The following PCDHGB5 variants were observed in gnomAD, a reference collection of about 807,000 sequenced individuals.
The protein encoded by PCDHGB5 is protocadherin gamma-B5.
PCDHGB5 carries 48 observed loss-of-function variants against 62.9 expected under a neutral mutation model. The ratio of observed to expected loss-of-function variants is 0.76; its 90% confidence interval spans 0.61 to 0.97. The LOEUF (loss-of-function observed/expected upper bound fraction) is 0.97, where lower values mean the gene tolerates loss of function less well. PCDHGB5 is among the 50% of genes least tolerant of loss of function. PCDHGB5 has a pLI of 0.00. For missense variants in PCDHGB5, 1,118 were observed against 1,198.6 expected, an observed-to-expected ratio of 0.93 and a Z score of 0.99; for synonymous variants, 474 against 511.2, an observed-to-expected ratio of 0.93 and a Z score of 0.98.
intron 1 of PCDHGB5, among the ~76,000 whole-genome samples, chr5:141,462,012 G>A (rs1046109009): frequency 9.9e-5 from 15 of 152,128 alleles, no homozygotes; most frequent in Admixed American, 5.9e-4. Context: ...TAATAGAGAC[G>A]GGGTTTCTTC....
intron 2 of PCDHGB5, among the ~76,000 whole-genome samples, chr5:141,498,825 C>A (rs2099786017): frequency 6.6e-6 from 1 of 151,974 alleles, no homozygotes; most frequent in Admixed American, 6.6e-5. Flanking sequence ...CCCAGCTACT[C>A]AGGAGGCTGA....
chr5:141,494,751 G>A, intron 1 of PCDHGB5, 56 bp from the exon 2 acceptor site: 2 of 1,613,426 alleles, frequency 1.2e-6, no homozygotes, highest in Non-Finnish European at 8.5e-7. Flanking sequence ...AGGGGCTCGG[G>A]TGACATTCTA....
At chr5:141,404,296 T>C in intron 1 of PCDHGB5, 1 of 1,613,946 alleles carries the variant, frequency 6.2e-7, no homozygotes, top group Non-Finnish European at 8.5e-7. Flanking sequence ...TCAATGATAA[T>C]CCACCTGCTT....
At chr5:141,454,313 G>A (rs986902404) in intron 1 of PCDHGB5, among the ~76,000 whole-genome samples, 1 of 152,296 alleles carries the variant, frequency 6.6e-6, no homozygotes, top group Non-Finnish European at 1.5e-5. Context: ...TCAAAGCATT[G>A]AAACCTCCAA....
At position 141,399,775 on chromosome 5, in the gene PCDHGB5, G is replaced by A; in HGVS notation, c.1648G>A (p.Asp550Asn). The change falls in exon 1 of 4, where the codon GAC becomes AAC. Residue 550 changes from aspartate (D) to asparagine (N), a missense_variant. Around this residue, in one of 2 missense-constraint regions of PCDHGB5, gnomAD observed 1,034 missense variants for 1,029.1 expected, o/e 1.00. Coordinates refer to ENST00000617380, the MANE Select transcript of PCDHGB5 (RefSeq NM_018925.3). ...ANVSLRVLVG[D>N]RNDNAPRVLY... Reference sequence around the variant, plus strand: ...CGTGAGCCTGCGCGTGTTGGTGGGCGACCGAAACGACAACGCACCGCGGGT... The same window carrying A: ...CGTGAGCCTGCGCGTGTTGGTGGGCAACCGAAACGACAACGCACCGCGGGT... 1.2e-6 allele frequency: 2 copies of A among 1,613,282 alleles called. No individual in the cohort carries two copies. Among genetic ancestry groups the A allele is most frequent in the Non-Finnish European group, 1.7e-6 (2 of 1,179,776 alleles).
intron 1 of PCDHGB5, among the ~76,000 whole-genome samples, chr5:141,438,339 AGGATC>A (rs1013025873): frequency 1.6e-4 from 25 of 151,944 alleles, no homozygotes; most frequent in Non-Finnish European, 1.9e-4. Flanking sequence ...ATGTCATATA[AGGATC>A]TACTCTGTGT....
chr5:141,431,498 T>C lies in PCDHGB5; in HGVS notation c.2397+30974T>C, dbSNP rs1274311782. On this transcript the variant is annotated intron_variant, in intron 1 of 3. Coordinates refer to ENST00000617380, the MANE Select transcript of PCDHGB5 (RefSeq NM_018925.3). The surrounding 1 kb of genome is among the most constrained non-coding windows in gnomAD (Gnocchi z 4.8). ...CGCACCAGCGTTTGCTCAGCCCGAG[T>C]ACCGCGCGAGCGTTCCGGAGAATCT... The C allele has an allele frequency of 6.2e-7, 1 of 1,613,992 alleles. No homozygotes were observed. Among genetic ancestry groups the C allele is most frequent in the Non-Finnish European group, 8.5e-7 (1 of 1,180,034 alleles).
chr5:141,405,222 T>A, intron 1 of PCDHGB5: 5 of 1,613,886 alleles, frequency 3.1e-6, no homozygotes, highest in Non-Finnish European at 4.2e-6. Context: ...TCTCAGGAGT[T>A]CTCCCTCACC....
chr5:141,413,197 T>C (rs1429088178), intron 1 of PCDHGB5: 1 of 1,611,552 alleles, frequency 6.2e-7, no homozygotes, highest in Non-Finnish European at 8.5e-7. Flanking sequence ...AAGGAATCGC[T>C]CAAAGGAATC....
In PCDHGB5 at chr5:141,406,055, T is replaced by C. The variant is rs2094752189; in HGVS notation, c.2397+5531T>C. 5.3e-5 allele frequency among the ~76,000 whole-genome samples: 8 copies of C among 150,380 alleles called. No individual in the cohort carries two copies. In the South Asian group the frequency reaches 1.5e-3, roughly 28 times the overall value. On this transcript the variant is annotated intron_variant, in intron 1 of 3. Transcript: ENST00000617380. ...CTTCATTGGTTGCAGTGGACTCATA[T>C]CATAAAATTCTTACTCCTTTTTTTT...
intron 1 of PCDHGB5, chr5:141,426,597 T>C (rs2096946172): frequency 2.6e-6 from 1 of 377,476 alleles, no homozygotes. Context: ...TGTCATACCC[T>C]TAGAGATTGT....
chr5:141,506,085 G>A lies in PCDHGB5; in HGVS notation c.2545+604G>A, dbSNP rs532931472. Among the ~76,000 whole-genome samples the A allele has an allele frequency of 2.6e-4, 39 of 152,168 alleles. 1 individual carries two copies. In the South Asian group the frequency reaches 2.9e-3, roughly 11 times the overall value. On this transcript the variant is annotated intron_variant, in intron 3 of 3. Coordinates refer to ENST00000617380, the MANE Select transcript of PCDHGB5 (RefSeq NM_018925.3). ...AGGGCTTCCTTTGTAATAGAGATTC[G>A]GCTAGTGGTGGTTGTCCCTGAAGAG...
rs767577725 is a variant in PCDHGB5, at chr5:141,485,642, G to C, written c.2398-9165G>C. On this transcript the variant is annotated intron_variant, in intron 1 of 3. Transcript: ENST00000617380. This position sits in a 1 kb window ranked among gnomAD's most constrained non-coding sequence, Gnocchi z 5.7. ...AGGACAGCGTTTCCCGTTGGAAAAGGCTCAGGATGCAGATGTGGGGAGCAA... is the reference window on the plus strand; with the variant it reads ...AGGACAGCGTTTCCCGTTGGAAAAGCCTCAGGATGCAGATGTGGGGAGCAA... 2 of 1,612,044 alleles carry C rather than the reference G, an allele frequency of 1.2e-6. No individual in the cohort carries two copies. The highest frequency in any genetic ancestry group is 8.5e-7 in the Non-Finnish European group (1 of 1,178,592).
chr5:141,421,239 G>T (rs773410079), intron 1 of PCDHGB5: 5 of 1,599,000 alleles, frequency 3.1e-6, no homozygotes, highest in Middle Eastern at 3.3e-4. Flanking sequence ...TGGCGAATCG[G>T]CTACAGCGCG....
intron 1 of PCDHGB5, chr5:141,415,349 A>G (rs921019257): frequency 1.2e-6 from 2 of 1,614,220 alleles, no homozygotes; most frequent in Non-Finnish European, 1.7e-6. Flanking sequence ...CGCTGGCACA[A>G]GTCACGCCTG....
Position 141,485,183 on chromosome 5 carries a change from A to C in PCDHGB5, c.2398-9624A>C, listed in dbSNP as rs777796801. On this transcript the variant is annotated intron_variant, in intron 1 of 3. Transcript: ENST00000617380. This position sits in a 1 kb window ranked among gnomAD's most constrained non-coding sequence, Gnocchi z 5.7. ...TTAGCGGGCGGCAGCAATGCTCCGC[A>C]AGGTGAGAAGCTGGACAGAAATCTG... 1.9e-6 allele frequency: 3 copies of C among 1,613,248 alleles called. No individual in the cohort carries two copies. The highest frequency in any genetic ancestry group is 3.3e-5 in the Admixed American group (2 of 60,006).
chr5:141,438,037 G>A (rs2097925203), intron 1 of PCDHGB5, among the ~76,000 whole-genome samples: 1 of 151,910 alleles, frequency 6.6e-6, no homozygotes, highest in African/African-American at 2.4e-5. Flanking sequence ...CACCATGCCC[G>A]ACCACTTTGA....
chr5:141,479,057 T>A (rs2099487107), intron 1 of PCDHGB5, among the ~76,000 whole-genome samples: 1 of 152,234 alleles, frequency 6.6e-6, no homozygotes, highest in East Asian at 1.9e-4. Context: ...TCTCAGATAA[T>A]TTTTTATGAA....
At position 141,490,207 on chromosome 5, in the gene PCDHGB5, C is replaced by T. The variant is rs142098675; in HGVS notation, c.2398-4600C>T. On this transcript the variant is annotated intron_variant, in intron 1 of 3. Transcript: ENST00000617380. This position sits in a 1 kb window ranked among gnomAD's most constrained non-coding sequence, Gnocchi z 5.4. ...TTTCTATGAAATTCATGCAAGAGCC[C>T]GTGACCAGGGACAGCCTGCCATGGA... 41 of 1,614,056 alleles carry T rather than the reference C, an allele frequency of 2.5e-5. No homozygotes were observed. The highest frequency in any genetic ancestry group is 3.3e-4 in the Middle Eastern group (2 of 6,084).
Sources: allele counts gnomAD v4.1 joint callset (sites outside exome capture counted in the v4.1 genomes callset), GRCh38; gene constraint gnomAD v4.1.1; regional missense constraint gnomAD v4.1.1; non-coding constraint Gnocchi (gnomAD v3.1); transcripts MANE v1.5; gene names NCBI Gene and HGNC (gene_info 2026-07-23, HGNC 2026-07-21).